DTD1: variants seen among roughly 807,000 people sequenced by gnomAD.
DTD1 encodes the protein D-aminoacyl-tRNA deacylase 1.
In DTD1, 13 loss-of-function variants were observed where a neutral mutation model predicts 25.6. That is an observed-to-expected ratio of 0.51 (90% CI 0.33 to 0.81). The LOEUF is 0.81. Among genes scored for constraint, DTD1 ranks in the 30% least tolerant of loss-of-function variants. The pLI is 0.02. For synonymous variants in DTD1, 110 were observed against 103.6 expected, an observed-to-expected ratio of 1.06 and a Z score of -0.37; for missense variants, 193 against 266.4, an observed-to-expected ratio of 0.72 and a Z score of 1.92.
At chr20:18,735,159 A>C (rs186799980) in intron 4 of DTD1, among the ~76,000 whole-genome samples, 3 of 152,268 alleles carry the variant, frequency 2.0e-5, no homozygotes, top group Non-Finnish European at 2.9e-5. Context: ...TATAAAAATC[A>C]TAGTAACTGA....
intron 4 of DTD1, among the ~76,000 whole-genome samples, chr20:18,711,604 G>A (rs1335052319): frequency 1.3e-5 from 2 of 152,258 alleles, no homozygotes; most frequent in Middle Eastern, 3.4e-3. Context: ...TGTCAGGACA[G>A]TGTTTTTAAA....
At chr20:18,637,559 T>C (rs2060811984) in intron 4 of DTD1, among the ~76,000 whole-genome samples, 1 of 152,234 alleles carries the variant, frequency 6.6e-6, no homozygotes, top group South Asian at 2.1e-4. Flanking sequence ...TTTATAGTTT[T>C]CTTGGCTTTC....
intron 3 of DTD1, among the ~76,000 whole-genome samples, chr20:18,624,019 C>T (rs1052114467): frequency 3.3e-5 from 5 of 152,106 alleles, no homozygotes; most frequent in Non-Finnish European, 7.4e-5. Flanking sequence ...GAGGCTCACT[C>T]TGGCCATGGG....
intron 4 of DTD1, among the ~76,000 whole-genome samples, chr20:18,690,378 T>C (rs564097399): frequency 6.6e-6 from 1 of 152,318 alleles, no homozygotes; most frequent in East Asian, 1.9e-4. Flanking sequence ...TTTTTGTTTT[T>C]GCTGCAATTG....
intron 4 of DTD1, among the ~76,000 whole-genome samples, chr20:18,658,779 A>C (rs1426498589): frequency 6.6e-6 from 1 of 152,246 alleles, no homozygotes; most frequent in Non-Finnish European, 1.5e-5. Flanking sequence ...CCATGTTAGC[A>C]TCAAAGAAGA....
intron 1 of DTD1, among the ~76,000 whole-genome samples, chr20:18,590,889 C>T (rs1248876312): frequency 1.3e-5 from 2 of 152,206 alleles, no homozygotes; most frequent in Admixed American, 1.3e-4. Context: ...ACCCCCATGT[C>T]CCATCATTCA....
intron 5 of DTD1, among the ~76,000 whole-genome samples, chr20:18,744,876 A>G (rs902158711): frequency 2.6e-5 from 4 of 152,076 alleles, no homozygotes; most frequent in African/African-American, 9.7e-5. Context: ...CAGCCAAACC[A>G]TATCAGTTAG....
At chr20:18,697,274 T>C (rs559996931) in intron 4 of DTD1, among the ~76,000 whole-genome samples, 2 of 152,162 alleles carry the variant, frequency 1.3e-5, no homozygotes, top group East Asian at 3.9e-4. Flanking sequence ...ACAAAAACAT[T>C]GAATACAATA....
intron 4 of DTD1, among the ~76,000 whole-genome samples, chr20:18,705,791 C>G (rs1234402971): frequency 6.6e-6 from 1 of 152,146 alleles, no homozygotes; most frequent in Non-Finnish European, 1.5e-5. Context: ...TTGTTGGAAT[C>G]TTGAATATGT....
rs1413103295 is a variant in DTD1, at chr20:18,766,525, C to T, written c.*3185C>T. On this transcript the variant is annotated 3_prime_UTR_variant, in exon 6 of 6. Transcript: ENST00000377452. ...TTGGGAGGCCGAGGCGGGTGGATCA[C>T]GAGGTCAGTAGATCAAGACCATCCT... 6.6e-6 allele frequency: 1 copy of T among 151,810 alleles called. No individual in the cohort carries two copies. Among genetic ancestry groups the T allele is most frequent in the Non-Finnish European group, 1.5e-5 (1 of 67,990 alleles). 9.4% of individuals were successfully genotyped at this position (151,810 alleles called of 1,614,324 possible).
At chr20:18,612,939 G>A (rs1437216275) in intron 3 of DTD1, among the ~76,000 whole-genome samples, 4 of 152,170 alleles carry the variant, frequency 2.6e-5, no homozygotes, top group African/African-American at 7.2e-5. Context: ...GATTACAGGC[G>A]TGAGCCACTG....
chr20:18,631,532 C>A (rs1422016517), intron 4 of DTD1: 35 of 985,488 alleles, frequency 3.6e-5, no homozygotes, highest in Non-Finnish European at 4.1e-5. Context: ...GAAATGCTTC[C>A]ATTTCCTCCC....
chr20:18,596,103 A>G lies in DTD1; in HGVS notation c.232A>G (p.Ser78Gly), dbSNP rs1445840987. The G allele has an allele frequency of 4.3e-6, 7 of 1,614,232 alleles. No individual in the cohort carries two copies. The East Asian group carries it at 1.1e-4, about 26-fold the overall frequency. ...CAAACAGTACGAGATTCTGTGTGTC[A>G]GCCAGTTTACCCTCCAGTGTGTCCT... Reference protein sequence around the residue: ...MDKQYEILCVSQFTLQCVLKG... With the variant: ...MDKQYEILCVGQFTLQCVLKG... The change falls in exon 3 of 6, where the codon AGC (serine) becomes GGC (glycine). Residue 78 changes from serine to glycine, a missense_variant. Transcript: ENST00000377452.
intron 4 of DTD1, among the ~76,000 whole-genome samples, chr20:18,663,833 A>G (rs971308216): frequency 2.0e-5 from 3 of 152,214 alleles, no homozygotes; most frequent in Non-Finnish European, 2.9e-5. Context: ...ACTGCTAGAC[A>G]TTTATAAAAC....
intron 5 of DTD1, among the ~76,000 whole-genome samples, chr20:18,755,515 C>T (rs180964122): frequency 1.3e-5 from 2 of 151,992 alleles, no homozygotes; most frequent in African/African-American, 4.8e-5. Flanking sequence ...TGAGAACATG[C>T]GGTGTTTGGT....
intron 4 of DTD1, among the ~76,000 whole-genome samples, chr20:18,731,277 C>T (rs1186171451): frequency 6.6e-6 from 1 of 152,192 alleles, no homozygotes; most frequent in African/African-American, 2.4e-5. Flanking sequence ...TTCCAAGTTT[C>T]TGCTTTCTGC....
At chr20:18,685,769 A>G (rs1336865500) in intron 4 of DTD1, among the ~76,000 whole-genome samples, 1 of 152,208 alleles carries the variant, frequency 6.6e-6, no homozygotes, top group Non-Finnish European at 1.5e-5. Flanking sequence ...GACATCCCAA[A>G]TGTACCTTCT....
intron 3 of DTD1, among the ~76,000 whole-genome samples, chr20:18,601,618 T>G (rs1419854939): frequency 6.6e-6 from 1 of 151,428 alleles, no homozygotes; most frequent in Non-Finnish European, 1.5e-5. Flanking sequence ...CCCTGACCCC[T>G]GACCCCCGAG....
At chr20:18,721,784 G>A (rs2061204377) in intron 4 of DTD1, among the ~76,000 whole-genome samples, 1 of 152,142 alleles carries the variant, frequency 6.6e-6, no homozygotes, top group Non-Finnish European at 1.5e-5. Context: ...GACTGTGAAG[G>A]TGTTTTGGAG....
Sources: gnomAD v4.1 joint callset for allele counts (sites outside exome capture counted in the v4.1 genomes callset) on GRCh38, gnomAD v4.1.1 for gene constraint, MANE v1.5 for transcripts, NCBI Gene and HGNC (gene_info 2026-07-23, HGNC 2026-07-21) for gene names.